The following ERBB4 variants were observed in gnomAD, a reference collection of about 807,000 sequenced individuals.
ERBB4 encodes erb-b2 receptor tyrosine kinase 4.
A neutral mutation model predicts 158.0 loss-of-function variants in ERBB4; 42 were observed. That is an observed-to-expected ratio of 0.27 (90% CI 0.21 to 0.34). ERBB4 has a LOEUF of 0.34. ERBB4 is among the 10% of genes least tolerant of loss of function. The probability of loss-of-function intolerance (pLI) is 1.00; values close to 1 mark genes in which losing one functional copy is unlikely to be tolerated. For synonymous variants in ERBB4, 583 were observed against 558.7 expected (o/e 1.04, Z -0.61); for missense variants, 1,333 against 1,624.1 (o/e 0.82, Z 3.08).
Position 212,044,982 on chromosome 2 carries a change from G to A in ERBB4, c.234+79770C>T, listed in dbSNP as rs141541346. On this transcript the variant is annotated intron_variant, in intron 2 of 27. Coordinates refer to ENST00000342788, the MANE Select transcript of ERBB4 (RefSeq NM_005235.3). The stretch of plus-strand genomic sequence containing the variant: ...ATGAGCCTCTGACACTTCATTACCC[G>A]TCATATATTAACAGTTAACATAATA... Among the ~76,000 whole-genome samples, 554 of 151,916 alleles carry A rather than the reference G, an allele frequency of 3.6e-3. 11 individuals are homozygous for A. The highest frequency in any genetic ancestry group is 0.012 in the East Asian group (64 of 5,160).
At chr2:211,924,738 G>C (rs1221253426) in intron 3 of ERBB4, among the ~76,000 whole-genome samples, 1 of 152,092 alleles carries the variant, frequency 6.6e-6, no homozygotes, top group Non-Finnish European at 1.5e-5. Context: ...GGTCACATAG[G>C]TAAGAGTCAC....
intron 1 of ERBB4, among the ~76,000 whole-genome samples, chr2:212,525,429 A>G (rs1692397329): frequency 1.3e-5 from 2 of 152,036 alleles, no homozygotes; most frequent in East Asian, 1.9e-4. Flanking sequence ...TTCATGAATG[A>G]GAATTATTCT....
intron 2 of ERBB4, among the ~76,000 whole-genome samples, chr2:211,998,825 T>C (rs933476566): frequency 8.6e-5 from 13 of 151,890 alleles, no homozygotes; most frequent in African/African-American, 3.1e-4. Context: ...ATATTACTTA[T>C]TATACTGTGA....
At chr2:212,206,908 T>A (rs1361594244) in intron 1 of ERBB4, among the ~76,000 whole-genome samples, 2 of 151,928 alleles carry the variant, frequency 1.3e-5, no homozygotes, top group African/African-American at 4.8e-5. Flanking sequence ...TATTCTTAAA[T>A]GTTTCTTTTA....
At chr2:212,203,801 G>C (rs1473913746) in intron 1 of ERBB4, among the ~76,000 whole-genome samples, 1 of 152,092 alleles carries the variant, frequency 6.6e-6, no homozygotes, top group Non-Finnish European at 1.5e-5. Flanking sequence ...CTGTCATTCA[G>C]GTGGCACAAA....
intron 3 of ERBB4, among the ~76,000 whole-genome samples, chr2:211,942,180 C>T (rs892865967): frequency 5.9e-5 from 9 of 152,026 alleles, no homozygotes; most frequent in African/African-American, 2.2e-4. Context: ...GCTTGAGAGA[C>T]TTAAATGTGA....
rs1479261922 is a variant in ERBB4 at position 211,944,177 on chromosome 2, C to G, written c.421+3253G>C. On this transcript the variant is annotated intron_variant, in intron 3 of 27. Transcript: ENST00000342788. ...TATATATATACACTATATATATATA[C>G]TATATATATATATATATATATACTA... is the stretch of plus-strand genomic sequence containing the variant. 9.3e-4 allele frequency among the ~76,000 whole-genome samples: 36 copies of G among 38,564 alleles called. 1 individual carries two copies. The highest frequency in any genetic ancestry group is 3.1e-3 in the Admixed American group (14 of 4,502). 25.3% of individuals were successfully genotyped at this position (38,564 alleles called of 152,430 possible). A position where few individuals can be genotyped will look rare whatever the true frequency, so the allele number is the denominator to read the frequency against.
chr2:212,329,450 T>C (rs1185533600), intron 1 of ERBB4, among the ~76,000 whole-genome samples: 1 of 152,090 alleles, frequency 6.6e-6, no homozygotes, highest in Non-Finnish European at 1.5e-5. Context: ...TACATGGTCA[T>C]AGCCTACTGA....
chr2:211,521,097 C>A (rs1485340750), intron 20 of ERBB4, among the ~76,000 whole-genome samples: 1 of 151,474 alleles, frequency 6.6e-6, no homozygotes, highest in African/African-American at 2.4e-5. Context: ...GGAAGAGTTG[C>A]AAGTCTCTCA....
chr2:212,391,430 T>A (rs2090850760), intron 1 of ERBB4, among the ~76,000 whole-genome samples: 1 of 151,110 alleles, frequency 6.6e-6, no homozygotes, highest in Non-Finnish European at 1.5e-5. Context: ...GAGCAGACTT[T>A]AATTAAAATA....
chr2:212,475,355 G>A (rs760599089), intron 1 of ERBB4, among the ~76,000 whole-genome samples: 6 of 152,018 alleles, frequency 3.9e-5, no homozygotes, highest in East Asian at 1.9e-4. Flanking sequence ...AGCCAGTCCC[G>A]TCTCCCATGT....
At chr2:212,289,331 T>C (rs1296429551) in intron 1 of ERBB4, among the ~76,000 whole-genome samples, 5 of 152,176 alleles carry the variant, frequency 3.3e-5, no homozygotes, top group Non-Finnish European at 2.9e-5. Flanking sequence ...TACCTGATAA[T>C]TAAAGGATCT....
intron 5 of ERBB4, among the ~76,000 whole-genome samples, chr2:211,744,108 C>A (rs1357939411): frequency 6.6e-6 from 1 of 151,956 alleles, no homozygotes; most frequent in African/African-American, 2.4e-5. Flanking sequence ...AATAATTTAT[C>A]TAGAAAATAT....
chr2:211,852,636 C>CTTTTTTT (rs10640429), intron 3 of ERBB4, among the ~76,000 whole-genome samples: 24 of 138,842 alleles, frequency 1.7e-4, no homozygotes, highest in African/African-American at 4.8e-4. Flanking sequence ...CAATGGCCAA[C>CTTTTTTT]TTTTTTTTTT....
chr2:211,530,470 A>G (rs2066464820), intron 20 of ERBB4, among the ~76,000 whole-genome samples: 1 of 152,172 alleles, frequency 6.6e-6, no homozygotes, highest in Non-Finnish European at 1.5e-5. Context: ...AATACCAACG[A>G]TATTTTTCAC....
chr2:211,816,228 TA>T (rs1394995372), intron 3 of ERBB4, among the ~76,000 whole-genome samples: 1 of 152,120 alleles, frequency 6.6e-6, no homozygotes, highest in Non-Finnish European at 1.5e-5. Flanking sequence ...TAGCTGTTAA[TA>T]AAATATCAGT....
At chr2:212,458,934 G>A (rs1416537049) in intron 1 of ERBB4, among the ~76,000 whole-genome samples, 1 of 152,058 alleles carries the variant, frequency 6.6e-6, no homozygotes, top group Non-Finnish European at 1.5e-5. Context: ...CATATTATAG[G>A]CATTCAAATA....
intron 12 of ERBB4, among the ~76,000 whole-genome samples, chr2:211,696,507 G>A (rs34819491): frequency 0.2 from 30,372 of 151,908 alleles, 3,478 homozygotes; most frequent in African/African-American, 0.28. Flanking sequence ...GAGACAATAA[G>A]TGATCTCCGT....
intron 2 of ERBB4, among the ~76,000 whole-genome samples, chr2:211,987,004 T>A (rs1445251601): frequency 6.6e-6 from 1 of 152,112 alleles, no homozygotes; most frequent in Non-Finnish European, 1.5e-5. Flanking sequence ...TGTAAGATAC[T>A]AGTTCCAGTC....
Sources: allele counts gnomAD v4.1 joint callset (sites outside exome capture counted in the v4.1 genomes callset), GRCh38; gene constraint gnomAD v4.1.1; transcripts MANE v1.5; gene names NCBI Gene and HGNC (gene_info 2026-07-23, HGNC 2026-07-21).